Variants in EYS observed in about 807,000 individuals in gnomAD.
EYS encodes EGF-like photoreceptor maintenance factor, also known as protein eyes shut homolog.
Under a neutral mutation model 282.1 loss-of-function variants are expected in EYS, and 250 were observed. The ratio of observed to expected loss-of-function variants is 0.89; its 90% CI spans 0.80 to 0.98. EYS has a LOEUF of 0.98. Ranked by LOEUF, EYS falls within the 50% of genes least tolerant of loss-of-function variation. The pLI, the probability that EYS is intolerant of heterozygous loss-of-function variation, is 0.00. For synonymous variants in EYS, 1,355 were observed against 1,282.9 expected, an observed-to-expected ratio of 1.06 and a Z score of -1.20; for missense variants, 4,016 against 3,709.0, an observed-to-expected ratio of 1.08 and a Z score of -2.15.
chr6:64,810,794 A>G (rs113299619), intron 22 of EYS, among the ~76,000 whole-genome samples: 29 of 152,084 alleles, frequency 1.9e-4, no homozygotes, highest in Middle Eastern at 3.2e-3. Flanking sequence ...TTAAAGTCAA[A>G]CAGACCTTAG....
chr6:64,845,424 C>T (rs918441784), intron 19 of EYS, among the ~76,000 whole-genome samples: 2 of 152,126 alleles, frequency 1.3e-5, no homozygotes, highest in Non-Finnish European at 2.9e-5. Context: ...CTTTATTCAT[C>T]TTCCATGGTG....
At chr6:65,427,814 T>C (rs982969423) in intron 5 of EYS, among the ~76,000 whole-genome samples, 16 of 152,052 alleles carry the variant, frequency 1.1e-4, no homozygotes, top group Admixed American at 1.0e-3. Flanking sequence ...ATTTATTATA[T>C]TCAGGATATA....
At chr6:64,139,880 A>C (rs569362303) in intron 31 of EYS, among the ~76,000 whole-genome samples, 1 of 151,854 alleles carries the variant, frequency 6.6e-6, no homozygotes, top group African/African-American at 2.4e-5. Context: ...GAGGCAGAGA[A>C]TTGCTTGAAC....
intron 33 of EYS, among the ~76,000 whole-genome samples, chr6:64,005,254 T>C (rs1249322100): frequency 3.3e-5 from 5 of 152,184 alleles, no homozygotes; most frequent in Non-Finnish European, 2.9e-5. Context: ...CGGCCACAAG[T>C]ATGTCTTCTT....
chr6:64,943,135 A>G (rs777902501), intron 15 of EYS, among the ~76,000 whole-genome samples: 23 of 152,146 alleles, frequency 1.5e-4, no homozygotes, highest in Non-Finnish European at 2.8e-4. Flanking sequence ...ATAGAAGTGG[A>G]AAATTCTGCT....
chr6:63,910,781 A>T (rs527428200), intron 35 of EYS, among the ~76,000 whole-genome samples: 19 of 152,326 alleles, frequency 1.2e-4, no homozygotes, highest in Middle Eastern at 6.8e-3. Context: ...AAAACAAGAA[A>T]ATGAGAGAGT....
At chr6:64,950,280 C>T (rs1769440866) in intron 14 of EYS, among the ~76,000 whole-genome samples, 1 of 151,930 alleles carries the variant, frequency 6.6e-6, no homozygotes, top group East Asian at 1.9e-4. Flanking sequence ...TAGACTCAAA[C>T]AAAATTACTC....
chr6:65,641,877 C>T (rs1233439871), intron 1 of EYS, among the ~76,000 whole-genome samples: 1 of 152,106 alleles, frequency 6.6e-6, no homozygotes, highest in African/African-American at 2.4e-5. Context: ...TCTGCCTTGA[C>T]CTCCTGGGCT....
intron 31 of EYS, among the ~76,000 whole-genome samples, chr6:64,212,818 A>T (rs1304232534): frequency 6.6e-6 from 1 of 152,200 alleles, no homozygotes; most frequent in Non-Finnish European, 1.5e-5. Flanking sequence ...GCGTATGTTC[A>T]TTGCAACACT....
At chr6:65,456,845 C>A (rs1156536680) in intron 5 of EYS, among the ~76,000 whole-genome samples, 2 of 151,996 alleles carry the variant, frequency 1.3e-5, no homozygotes, top group Non-Finnish European at 2.9e-5. Flanking sequence ...AAAATGTACC[C>A]ATATTAGAAA....
chr6:65,190,961 T>C (rs943738671), intron 12 of EYS, among the ~76,000 whole-genome samples: 1 of 151,744 alleles, frequency 6.6e-6, no homozygotes, highest in African/African-American at 2.4e-5. Context: ...AGAATGACAA[T>C]CTGTATGCTA....
chr6:64,779,491 G>GAA, intron 22 of EYS, among the ~76,000 whole-genome samples: 1 of 152,230 alleles, frequency 6.6e-6, no homozygotes, highest in Middle Eastern at 3.4e-3. Context: ...TGGGTTGGGG[G>GAA]AAGGGAAGAA....
At chr6:64,835,929 A>C (rs1183471418) in intron 19 of EYS, among the ~76,000 whole-genome samples, 1 of 151,680 alleles carries the variant, frequency 6.6e-6, no homozygotes, top group African/African-American at 2.4e-5. Context: ...CAATAAAAAT[A>C]AACGATGTAT....
chr6:63,734,902 C>T (rs1768870984), intron 41 of EYS, among the ~76,000 whole-genome samples: 1 of 152,088 alleles, frequency 6.6e-6, no homozygotes, highest in South Asian at 2.1e-4. Context: ...ACACAATCAA[C>T]ATGTTTGATA....
At chr6:64,593,673 T>G (rs534462424) in intron 24 of EYS, among the ~76,000 whole-genome samples, 181 of 152,324 alleles carry the variant, frequency 1.2e-3, no homozygotes, top group South Asian at 8.1e-3. Flanking sequence ...ACTTTTCTGC[T>G]CTAAAAGTCA....
At chr6:65,109,657 T>TAA (rs111607590) in intron 12 of EYS, among the ~76,000 whole-genome samples, 26,525 of 136,046 alleles carry the variant, frequency 0.19, 2,807 homozygotes, top group South Asian at 0.27. Flanking sequence ...ACTCCTTACA[T>TAA]AAAAAAAAAA....
chr6:64,105,797 T>C (rs1582276334), intron 31 of EYS, among the ~76,000 whole-genome samples: 1 of 152,286 alleles, frequency 6.6e-6, no homozygotes, highest in African/African-American at 2.4e-5. Context: ...AGTATTCCAC[T>C]GTCTGGATCT....
chr6:65,163,269 A>G (rs1386262681), intron 12 of EYS, among the ~76,000 whole-genome samples: 2 of 151,258 alleles, frequency 1.3e-5, no homozygotes, highest in African/African-American at 4.8e-5. Flanking sequence ...TTTAGTTTTG[A>G]AAACACAGTT....
intron 31 of EYS, among the ~76,000 whole-genome samples, chr6:64,198,889 G>C (rs1000791222): frequency 2.0e-5 from 3 of 152,134 alleles, no homozygotes; most frequent in African/African-American, 7.2e-5. Flanking sequence ...CTAGATCCTT[G>C]AGGAATTGGC....
Sources: gnomAD v4.1 joint callset for allele counts (sites outside exome capture counted in the v4.1 genomes callset) on GRCh38, gnomAD v4.1.1 for gene constraint, MANE v1.5 for transcripts, NCBI Gene and HGNC (gene_info 2026-07-23, HGNC 2026-07-21) for gene names.